The following CFAP44 variants were observed in gnomAD, a reference collection of about 807,000 sequenced individuals.
CFAP44 encodes the protein cilia- and flagella-associated protein 44.
A neutral mutation model predicts 216.2 loss-of-function variants in CFAP44; 134 were observed. The observed-to-expected ratio is 0.62, with a 90% CI of 0.54 to 0.72. CFAP44 has a LOEUF of 0.72. Ranked by LOEUF, CFAP44 falls within the 30% of genes least tolerant of loss-of-function variation. The pLI, the probability that CFAP44 is intolerant of heterozygous loss-of-function variation, is 0.00. For missense variants in CFAP44, 2,035 were observed against 2,182.1 expected (o/e 0.93, Z 1.34); for synonymous variants, 700 against 727.6 (o/e 0.96, Z 0.61).
chr3:113,287,028 A>AG lies in CFAP44; in HGVS notation c.*4528_*4529insC. The stretch of plus-strand genomic sequence containing the variant: ...ATGTTTTATAATTCTGGAGAGACAT[A>AG]AGGAGTCCTACCCGTTGAGGTTGGA... On this transcript the variant is annotated 3_prime_UTR_variant, in exon 35 of 35. Transcript: ENST00000393845. 1.2e-6 allele frequency: 1 copy of AG among 831,482 alleles called. No individual in the cohort carries two copies. Among genetic ancestry groups the AG allele is most frequent in the South Asian group, 1.4e-5 (1 of 69,642 alleles). 51.5% of individuals were successfully genotyped at this position (831,482 alleles called of 1,614,324 possible).
Position 113,386,676 on chromosome 3 carries a change from C to T in CFAP44, c.1891-5616G>A, listed in dbSNP as rs1230325442. Among the ~76,000 whole-genome samples the T allele has an allele frequency of 2.0e-5, 3 of 152,064 alleles. No homozygotes were observed. In the East Asian group the frequency reaches 5.8e-4, roughly 29 times the overall value. ...TTAGAAGCCTCCACCAATTGACCTC[C>T]CCACAGGAACACCAAATTTAACAAC... On this transcript the variant is annotated intron_variant, in intron 15 of 34. Coordinates refer to ENST00000393845, the MANE Select transcript of CFAP44 (RefSeq NM_001164496.2).
chr3:113,381,271 T>C (rs1430261613), intron 15 of CFAP44, among the ~76,000 whole-genome samples: 1 of 152,148 alleles, frequency 6.6e-6, no homozygotes, highest in Non-Finnish European at 1.5e-5. Context: ...TATTAAGTGA[T>C]TAAAGATTAA....
chr3:113,327,870 T>A, intron 26 of CFAP44, 51 bp from the exon 27 acceptor site: 1 of 1,480,298 alleles, frequency 6.8e-7, no homozygotes, highest in Non-Finnish European at 9.1e-7. Flanking sequence ...GATAAATGCA[T>A]TTTTAAACTA....
rs1367442492 is a variant in CFAP44, at chr3:113,306,609, T to C, written c.4628-278A>G. On this transcript the variant is annotated intron_variant, in intron 29 of 34. Coordinates refer to ENST00000393845, the MANE Select transcript of CFAP44 (RefSeq NM_001164496.2). Reference sequence around the variant, plus strand: ...TATCTCACTCAAGGCTCATAGACCCTGCAAGGCAGAAACTATTATTCCCAT... The same window carrying C: ...TATCTCACTCAAGGCTCATAGACCCCGCAAGGCAGAAACTATTATTCCCAT... 2.6e-5 allele frequency among the ~76,000 whole-genome samples: 4 copies of C among 152,320 alleles called. No homozygotes were observed. In the East Asian group the frequency reaches 7.7e-4, roughly 29 times the overall value.
intron 28 of CFAP44, among the ~76,000 whole-genome samples, chr3:113,320,031 T>C (rs1008124151): frequency 3.3e-5 from 5 of 152,092 alleles, no homozygotes; most frequent in South Asian, 2.1e-4. Flanking sequence ...TCTCCCAAGA[T>C]TGAATAAGGA....
At chr3:113,378,259 G>GAACC (rs1933406451) in intron 17 of CFAP44, among the ~76,000 whole-genome samples, 1 of 152,106 alleles carries the variant, frequency 6.6e-6, no homozygotes, top group Non-Finnish European at 1.5e-5. Flanking sequence ...CTGAAGGCAG[G>GAACC]AACCATGTTT....
intron 23 of CFAP44, among the ~76,000 whole-genome samples, chr3:113,343,059 C>CTTTTTTTT (rs397990837): frequency 8.0e-4 from 85 of 106,748 alleles, no homozygotes; most frequent in Non-Finnish European, 1.1e-3. Flanking sequence ...TTCTTTCTTT[C>CTTTTTTTT]TTTTTTTTTT....
intron 23 of CFAP44, among the ~76,000 whole-genome samples, chr3:113,343,398 G>A (rs1429378590): frequency 4.6e-5 from 7 of 151,956 alleles, no homozygotes; most frequent in South Asian, 4.1e-4. Flanking sequence ...TACTCTATTC[G>A]TGTTCAAGCT....
chr3:113,391,494 A>T (rs1399490621), intron 15 of CFAP44, among the ~76,000 whole-genome samples: 1 of 152,144 alleles, frequency 6.6e-6, no homozygotes, highest in Non-Finnish European at 1.5e-5. Context: ...GGACAAATGG[A>T]ATCACATCAA....
Position 113,387,850 on chromosome 3 carries a change from G to A in CFAP44, c.1891-6790C>T, listed in dbSNP as rs141269867. 3.7e-3 allele frequency among the ~76,000 whole-genome samples: 565 copies of A among 152,028 alleles called. 2 individuals carry two copies. Among genetic ancestry groups the A allele is most frequent in the Non-Finnish European group, 6.1e-3 (412 of 67,972 alleles). ...GAAAGACTCAGGACTGCCAGCATTC[G>A]CCACAAGCTGACTGAAGAGCCCTTG... On this transcript the variant is annotated intron_variant, in intron 15 of 34. Coordinates refer to ENST00000393845, the MANE Select transcript of CFAP44 (RefSeq NM_001164496.2).
intron 22 of CFAP44, among the ~76,000 whole-genome samples, chr3:113,353,477 C>T (rs1228185036): frequency 6.6e-6 from 1 of 151,680 alleles, no homozygotes; most frequent in Non-Finnish European, 1.5e-5. Context: ...CACACACACA[C>T]ACACACACAC....
At chr3:113,426,305 G>A (rs1342922587) in intron 3 of CFAP44, 28 bp from the exon 4 acceptor site, 6 of 1,608,484 alleles carry the variant, frequency 3.7e-6, no homozygotes, top group Non-Finnish European at 5.1e-6. Flanking sequence ...TTTAAGAAGA[G>A]TGATATGGTT....
At chr3:113,333,635 A>C (rs1950258659) in intron 24 of CFAP44, 52 bp from the exon 25 acceptor site, 2 of 1,424,744 alleles carry the variant, frequency 1.4e-6, no homozygotes, top group African/African-American at 1.5e-5. Context: ...AATAAACTCT[A>C]ATTTGTCTAC....
At chr3:113,348,314 C>A (rs1327134952) in intron 22 of CFAP44, among the ~76,000 whole-genome samples, 1 of 152,136 alleles carries the variant, frequency 6.6e-6, no homozygotes, top group East Asian at 1.9e-4. Flanking sequence ...ACCAATTTGA[C>A]CCACAAACCC....
chr3:113,432,864 T>C (rs1365373432), intron 2 of CFAP44, among the ~76,000 whole-genome samples: 1 of 152,244 alleles, frequency 6.6e-6, no homozygotes, highest in Non-Finnish European at 1.5e-5. Context: ...CATAGTTCTA[T>C]AAATTCCACT....
At chr3:113,347,176 G>A (rs943116368) in intron 22 of CFAP44, among the ~76,000 whole-genome samples, 4 of 152,198 alleles carry the variant, frequency 2.6e-5, no homozygotes, top group Non-Finnish European at 4.4e-5. Context: ...AAAGACATGG[G>A]TGTCAGGCTT....
chr3:113,433,162 C>T (rs1013445982), intron 2 of CFAP44, among the ~76,000 whole-genome samples: 7 of 152,074 alleles, frequency 4.6e-5, no homozygotes, highest in Non-Finnish European at 8.8e-5. Flanking sequence ...AGCATGGTGG[C>T]TCATGCCTGT....
intron 32 of CFAP44, among the ~76,000 whole-genome samples, chr3:113,302,465 A>AAAAAAAAAAAAAAAAAAAAG: frequency 7.1e-6 from 1 of 139,968 alleles, no homozygotes; most frequent in Non-Finnish European, 1.5e-5. Flanking sequence ...AGTAAAAAAA[A>AAAAAAAAAAAAAAAAAAAAG]AAAAAAAAAA....
intron 28 of CFAP44, among the ~76,000 whole-genome samples, chr3:113,323,732 T>C (rs1346582700): frequency 2.0e-5 from 3 of 152,128 alleles, no homozygotes; most frequent in African/African-American, 4.8e-5. Flanking sequence ...CAAACTACCA[T>C]GACTCACCCA....
Sources: allele counts gnomAD v4.1 joint callset (sites outside exome capture counted in the v4.1 genomes callset), GRCh38; gene constraint gnomAD v4.1.1; transcripts MANE v1.5; gene names NCBI Gene and HGNC (gene_info 2026-07-23, HGNC 2026-07-21).